Variants in NSD1 observed in about 807,000 individuals in gnomAD.
The protein encoded by NSD1 is histone-lysine N-methyltransferase, H3 lysine-36 specific.
A neutral mutation model predicts 242.7 loss-of-function variants in NSD1; 26 were observed. The observed-to-expected ratio is 0.11, with a 90% CI of 0.08 to 0.15. The LOEUF (loss-of-function observed/expected upper bound fraction) is 0.15, where lower values mean the gene tolerates loss of function less well. NSD1 is among the 10% of genes least tolerant of loss of function. The pLI is 1.00. For missense variants in NSD1, 2,495 were observed against 3,272.8 expected, an observed-to-expected ratio of 0.76 and a Z score of 5.80; for synonymous variants, 1,106 against 1,178.1, an observed-to-expected ratio of 0.94 and a Z score of 1.25.
At chr5:177,141,680 T>A (rs145564047) in intron 2 of NSD1, among the ~76,000 whole-genome samples, 191 of 152,190 alleles carry the variant, frequency 1.3e-3, no homozygotes, top group Non-Finnish European at 2.4e-3. Context: ...TTTTTCTTCC[T>A]CTTTCTCTGC....
chr5:177,185,792 TA>T (rs1349300552), intron 2 of NSD1, among the ~76,000 whole-genome samples: 1 of 19,928 alleles, frequency 5.0e-5, no homozygotes, highest in African/African-American at 9.9e-4. Context: ...ATGTATATTA[TA>T]TATATATATA....
In NSD1 at chr5:177,276,646, C is replaced by T. The variant is rs187644867; in HGVS notation, c.5622+2862C>T. 1.3e-4 allele frequency among the ~76,000 whole-genome samples: 20 copies of T among 152,038 alleles called. No individual in the cohort carries two copies. The South Asian group carries it at 2.3e-3, about 17-fold the overall frequency. ...GCCCAGTTTTTTTTGCTTTTTTCTCCCCCCCTTTATTAGAGATGATGATTT... is the reference window on the plus strand; with the variant it reads ...GCCCAGTTTTTTTTGCTTTTTTCTCTCCCCCTTTATTAGAGATGATGATTT... On this transcript the variant is annotated intron_variant, in intron 17 of 22. Coordinates refer to ENST00000439151, the MANE Select transcript of NSD1 (RefSeq NM_022455.5).
rs186486714 is a variant in NSD1, at chr5:177,238,079, T to G, written c.3922-158T>G. Among the ~76,000 whole-genome samples, 1 of 137,810 alleles carries G rather than the reference T, an allele frequency of 7.3e-6. No individual in the cohort carries two copies. Among genetic ancestry groups the G allele is most frequent in the Non-Finnish European group, 1.6e-5 (1 of 61,230 alleles). 90.4% of individuals were successfully genotyped at this position (137,810 alleles called of 152,430 possible). A position where few individuals can be genotyped will look rare whatever the true frequency, so the allele number is the denominator to read the frequency against. On this transcript the variant is annotated intron_variant, in intron 6 of 22. Transcript: ENST00000439151. This position sits in a 1 kb window ranked among gnomAD's most constrained non-coding sequence, Gnocchi z 4.6. ...TCATACGATATTTGTTCTTTGTGTC[T>G]TAAGTAATTTCCCTTAGCATACATA...
At chr5:177,201,921 C>T (rs1157897335) in intron 3 of NSD1, among the ~76,000 whole-genome samples, 1 of 151,532 alleles carries the variant, frequency 6.6e-6, no homozygotes, top group Admixed American at 6.6e-5. Context: ...AATCCCAGCA[C>T]TTTGGGAGGC....
chr5:177,188,432 T>A lies in NSD1; in HGVS notation c.928-3452T>A, dbSNP rs956120863. 1.3e-5 allele frequency among the ~76,000 whole-genome samples: 2 copies of A among 152,330 alleles called. 1 individual carries two copies. Among genetic ancestry groups the A allele is most frequent in the Middle Eastern group, 6.8e-3 (2 of 294 alleles). ...TCCAGTGGGTTTGCATATGTTATTT[T>A]ATTTGGTCATGTAAATTTTTCAAGA... is the stretch of plus-strand genomic sequence containing the variant. On this transcript the variant is annotated intron_variant, in intron 2 of 22. Transcript: ENST00000439151.
Position 177,173,311 on chromosome 5 carries a change from AG to A in NSD1, c.928-18572del, listed in dbSNP as rs1242125100. On this transcript the variant is annotated intron_variant, in intron 2 of 22. Transcript: ENST00000439151. The stretch of plus-strand genomic sequence containing the variant: ...TGTCTCAAAAAAAAAAAAAAAAAAA[AG>A]AATTATATGAAATTAAAACTTCAGT... Among the ~76,000 whole-genome samples the A allele has an allele frequency of 1.3e-3, 194 of 144,062 alleles. 1 individual carries two copies. The highest frequency in any genetic ancestry group is 2.5e-3 in the Non-Finnish European group (164 of 65,872). 94.5% of individuals were successfully genotyped at this position (144,062 alleles called of 152,430 possible).
chr5:177,195,610 G>C (rs547139523), intron 3 of NSD1, among the ~76,000 whole-genome samples: 152 of 152,274 alleles, frequency 1.0e-3, no homozygotes, highest in African/African-American at 3.6e-3. Context: ...TGGGGCTACA[G>C]GCATTCGCCA....
At chr5:177,133,447 C>T (rs1250057069), upstream of NSD1, among the ~76,000 whole-genome samples, 1 of 151,786 alleles carries the variant, frequency 6.6e-6, no homozygotes, top group Admixed American at 6.6e-5. The surrounding 1 kb of genome is among the most constrained non-coding windows in gnomAD (Gnocchi z 6.2). Flanking sequence ...CCGCAGGCCC[C>T]GACACTCCAA....
intron 2 of NSD1, among the ~76,000 whole-genome samples, chr5:177,181,011 C>T (rs1422325248): frequency 2.0e-5 from 3 of 149,788 alleles, no homozygotes; most frequent in Non-Finnish European, 4.4e-5. Flanking sequence ...TGAAGAGTTG[C>T]ATTTTGTAGA....
At chr5:177,259,963 G>T (rs1215214035) in intron 13 of NSD1, 26 bp from the exon 14 acceptor site, 1 of 1,613,438 alleles carries the variant, frequency 6.2e-7, no homozygotes, top group South Asian at 1.1e-5. Context: ...TTTTTCTTTT[G>T]CTTGTCCCTG....
At chr5:177,192,872 G>A (rs1306888095) in intron 3 of NSD1, among the ~76,000 whole-genome samples, 1 of 152,116 alleles carries the variant, frequency 6.6e-6, no homozygotes, top group Non-Finnish European at 1.5e-5. Context: ...CCAGGAAGGT[G>A]TTAGGCCATT....
intron 8 of NSD1, 137 bp from the exon 9 acceptor site, chr5:177,244,058 C>G (rs927245133): frequency 2.9e-6 from 2 of 698,250 alleles, no homozygotes; most frequent in African/African-American, 3.6e-5. Flanking sequence ...TTACTGTGGT[C>G]AGGTTGATTT....
Position 177,238,268 on chromosome 5 carries a change from T to C in NSD1, c.3953T>C (p.Leu1318Pro). 6.2e-7 allele frequency: 1 copy of C among 1,614,198 alleles called. No homozygotes were observed. Among genetic ancestry groups the C allele is most frequent in the Non-Finnish European group, 8.5e-7 (1 of 1,180,048 alleles). ...TCCCGCTGTGAAGAGGAAAGCCTTCTAGCCCGAGGTCGATCTAGTGCTCAG... is the reference window on the plus strand; with the variant it reads ...TCCCGCTGTGAAGAGGAAAGCCTTCCAGCCCGAGGTCGATCTAGTGCTCAG... ...VSSRCEEESL[L>P]ARGRSSAQNK... Residue 1318 changes from leucine to proline, a missense_variant, in exon 7 of 23, where the codon CTA (leucine) becomes CCA (proline). This residue lies in a region of NSD1 where 100 missense variants were observed against 190.7 expected (regional missense o/e 0.52). Transcript: ENST00000439151. This position sits in a 1 kb window ranked among gnomAD's most constrained non-coding sequence, Gnocchi z 4.6.
intron 2 of NSD1, among the ~76,000 whole-genome samples, chr5:177,160,330 A>G (rs1045187962): frequency 1.3e-5 from 2 of 151,780 alleles, no homozygotes; most frequent in Non-Finnish European, 2.9e-5. Flanking sequence ...TTTTTGAGAC[A>G]GAGTTTCACT....
At chr5:177,262,052 A>C (rs1420681139) in intron 14 of NSD1, among the ~76,000 whole-genome samples, 1 of 152,200 alleles carries the variant, frequency 6.6e-6, no homozygotes, top group Non-Finnish European at 1.5e-5. Context: ...TATAGGCTCT[A>C]TTCCCTATCA....
intron 6 of NSD1, 36 bp downstream of exon 6, chr5:177,235,981 C>T (rs2149884127): frequency 6.2e-7 from 1 of 1,610,810 alleles, no homozygotes; most frequent in Non-Finnish European, 8.5e-7. Context: ...TTCACTGGTC[C>T]TTAGGAAACT....
At chr5:177,209,462 G>C (rs1208861481) in intron 4 of NSD1, among the ~76,000 whole-genome samples, 174 bp from the exon 5 acceptor site, 1 of 149,858 alleles carries the variant, frequency 6.7e-6, no homozygotes, top group Admixed American at 6.7e-5. Context: ...CCGGGAGGCA[G>C]AGGTTGTGGT....
chr5:177,283,561 T>C (rs1218214936), intron 19 of NSD1, among the ~76,000 whole-genome samples: 1 of 152,176 alleles, frequency 6.6e-6, no homozygotes, highest in Non-Finnish European at 1.5e-5. Flanking sequence ...TCTGCTTTAG[T>C]GTATTTGAAG....
chr5:177,245,275 C>T (rs149839651), intron 9 of NSD1, among the ~76,000 whole-genome samples: 50 of 152,304 alleles, frequency 3.3e-4, no homozygotes, highest in African/African-American at 1.2e-3. Context: ...AGCTCTTTTC[C>T]TGTATTTTTA....
Sources: gnomAD v4.1 joint callset for allele counts (sites outside exome capture counted in the v4.1 genomes callset) on GRCh38, gnomAD v4.1.1 for gene constraint, gnomAD v4.1.1 regional missense constraint, Gnocchi (gnomAD v3.1) non-coding constraint, MANE v1.5 for transcripts, NCBI Gene and HGNC (gene_info 2026-07-23, HGNC 2026-07-21) for gene names.